PIK3C3: variants seen among roughly 807,000 people sequenced by gnomAD.
PIK3C3 encodes the protein PI3-kinase type 3.
PIK3C3 carries 95 observed loss-of-function variants against 126.1 expected under a neutral mutation model. The observed-to-expected ratio is 0.75, with a 90% CI of 0.64 to 0.89. The LOEUF (loss-of-function observed/expected upper bound fraction) is 0.89. Ranked by LOEUF, PIK3C3 falls within the 40% of genes least tolerant of loss-of-function variation. The pLI is 0.00. For missense variants in PIK3C3, 829 were observed against 1,063.2 expected (o/e 0.78, Z 3.06); for synonymous variants, 374 against 360.0 (o/e 1.04, Z -0.44).
rs528433229 is a variant in PIK3C3 at position 41,990,327 on chromosome 18, T to C, written c.619-132T>C. ...AACACACTACATGTATATAATAAAA[T>C]AAAAATGTGTTATGTTTTGACTTGT... is the stretch of plus-strand genomic sequence containing the variant. On this transcript the variant is annotated intron_variant, in intron 5 of 24. Coordinates refer to ENST00000262039, the MANE Select transcript of PIK3C3 (RefSeq NM_002647.4). 9.5e-6 allele frequency: 6 copies of C among 632,580 alleles called. No homozygotes were observed. The South Asian group carries it at 1.1e-4, about 11-fold the overall frequency. 39.2% of individuals were successfully genotyped at this position (632,580 alleles called of 1,614,324 possible).
chr18:42,019,624 A>G (rs762879350), intron 12 of PIK3C3, among the ~76,000 whole-genome samples: 2 of 151,828 alleles, frequency 1.3e-5, no homozygotes, highest in Non-Finnish European at 2.9e-5. Context: ...TGATATCTTA[A>G]TGTTCCTCAG....
chr18:42,059,362 A>G (rs942193249), intron 22 of PIK3C3, among the ~76,000 whole-genome samples: 2 of 152,224 alleles, frequency 1.3e-5, no homozygotes, highest in African/African-American at 4.8e-5. Flanking sequence ...TTGGTGATGC[A>G]GAAGCACTTT....
chr18:41,973,822 C>T (rs577266038), intron 4 of PIK3C3, among the ~76,000 whole-genome samples: 34 of 152,130 alleles, frequency 2.2e-4, no homozygotes, highest in African/African-American at 6.5e-4. Context: ...GTATTTCTCA[C>T]GCTACCATTT....
In PIK3C3 at chr18:41,955,235, T is replaced by C. The variant is rs985216932; in HGVS notation, c.-57T>C. 13 of 1,435,664 alleles carry C rather than the reference T, an allele frequency of 9.1e-6. No homozygotes were observed. Among genetic ancestry groups the C allele is most frequent in the Middle Eastern group, 1.8e-4 (1 of 5,480 alleles). The allele number at this position is 1,435,664 out of a possible 1,614,324, so 88.9% of individuals were successfully genotyped here. A position where few individuals can be genotyped will look rare whatever the true frequency, so the allele number is the denominator to read the frequency against. ...TTGTGGGGCTCAGCTGGTTCATTTATGTTGTTTTTCCTGTACCTAAGTTCC... is the reference window on the plus strand; with the variant it reads ...TTGTGGGGCTCAGCTGGTTCATTTACGTTGTTTTTCCTGTACCTAAGTTCC... On this transcript the variant is annotated 5_prime_UTR_variant, in exon 1 of 25. An upstream start codon of the reference 5' UTR is lost. Transcript: ENST00000262039.
intron 4 of PIK3C3, 175 bp downstream of exon 4, chr18:41,970,631 C>A: frequency 1.5e-6 from 1 of 664,084 alleles, no homozygotes; most frequent in South Asian, 1.8e-5. Flanking sequence ...GGAAAGCATA[C>A]AGTCTGATGG....
chr18:41,993,378 T>C (rs1424590904), intron 7 of PIK3C3, 37 bp downstream of exon 7: 2 of 1,355,858 alleles, frequency 1.5e-6, no homozygotes, highest in South Asian at 1.2e-5. Flanking sequence ...AAAGTACTTT[T>C]CTTCAGAGTA....
intron 24 of PIK3C3, among the ~76,000 whole-genome samples, chr18:42,076,111 T>G: frequency 1.3e-5 from 1 of 79,292 alleles, no homozygotes; most frequent in Non-Finnish European, 2.5e-5. Context: ...TATATATATA[T>G]ATATATATAT....
intron 7 of PIK3C3, among the ~76,000 whole-genome samples, chr18:41,995,158 C>T (rs867900988): frequency 2.6e-5 from 4 of 152,036 alleles, no homozygotes. Context: ...TTAAAAATTA[C>T]ATGGCTGAAG....
At chr18:41,971,411 T>C (rs1416801998) in intron 4 of PIK3C3, 1 of 152,100 alleles carries the variant, frequency 6.6e-6, no homozygotes, top group Non-Finnish European at 1.5e-5. Context: ...GTCAAGTTCA[T>C]TTTGTCTTTT....
chr18:42,013,630 T>G, intron 11 of PIK3C3, 34 bp downstream of exon 11: 1 of 1,463,474 alleles, frequency 6.8e-7, no homozygotes, highest in Non-Finnish European at 9.4e-7. Context: ...ATTTTCTAGT[T>G]TGTTAATTTT....
intron 9 of PIK3C3, among the ~76,000 whole-genome samples, chr18:41,998,512 A>T (rs1982133815): frequency 1.4e-5 from 2 of 142,678 alleles, no homozygotes; most frequent in Non-Finnish European, 3.1e-5. Context: ...GTTTGCAAGA[A>T]AAATTGTTTG....
At position 42,081,353 on chromosome 18, in the gene PIK3C3, A is replaced by T; in HGVS notation, c.*216A>T. The stretch of plus-strand genomic sequence containing the variant: ...AAGGGCTTGTTTTGAAATATTGTAT[A>T]TATTTTTTCAAATGTATACATTGTT... On this transcript the variant is annotated 3_prime_UTR_variant, in exon 25 of 25. Coordinates refer to ENST00000262039, the MANE Select transcript of PIK3C3 (RefSeq NM_002647.4). The T allele has an allele frequency of 2.4e-6, 1 of 413,800 alleles. No homozygotes were observed. Among genetic ancestry groups the T allele is most frequent in the East Asian group, 3.5e-5 (1 of 28,202 alleles). The allele number at this position is 413,800 out of a possible 1,614,324, so 25.6% of individuals were successfully genotyped here. A position where few individuals can be genotyped will look rare whatever the true frequency, so the allele number is the denominator to read the frequency against.
intron 24 of PIK3C3, among the ~76,000 whole-genome samples, chr18:42,075,120 C>A (rs769212533): frequency 6.6e-6 from 1 of 151,818 alleles, no homozygotes; most frequent in Non-Finnish European, 1.5e-5. Flanking sequence ...AGGTTTTATC[C>A]TACTTTATGG....
At chr18:41,992,635 C>T (rs746340294) in intron 6 of PIK3C3, among the ~76,000 whole-genome samples, 1 of 152,090 alleles carries the variant, frequency 6.6e-6, no homozygotes, top group Non-Finnish European at 1.5e-5. Context: ...CAACATTCTT[C>T]AAAGGTGATA....
intron 24 of PIK3C3, chr18:42,070,642 T>A (rs956201649): frequency 6.6e-6 from 1 of 152,164 alleles, no homozygotes; most frequent in Non-Finnish European, 1.5e-5. Flanking sequence ...ATAAAGTGAT[T>A]GACATTGAGG....
chr18:42,056,070 C>T (rs1194903102), intron 21 of PIK3C3, among the ~76,000 whole-genome samples: 1 of 151,980 alleles, frequency 6.6e-6, no homozygotes, highest in Non-Finnish European at 1.5e-5. Context: ...ACTCTCTGAA[C>T]TTCTTAAACA....
intron 3 of PIK3C3, among the ~76,000 whole-genome samples, chr18:41,967,248 A>G (rs759640908): frequency 6.6e-6 from 1 of 151,924 alleles, no homozygotes; most frequent in Non-Finnish European, 1.5e-5. Flanking sequence ...ACTTCCTTGC[A>G]TGGTGCTGCC....
chr18:42,030,168 A>C (rs1295078492), intron 15 of PIK3C3, among the ~76,000 whole-genome samples: 1 of 152,192 alleles, frequency 6.6e-6, no homozygotes, highest in Admixed American at 6.5e-5. Flanking sequence ...GATCATTTAG[A>C]CTAGAATTCT....
chr18:42,070,799 C>T (rs540373064), intron 24 of PIK3C3, among the ~76,000 whole-genome samples: 1 of 152,272 alleles, frequency 6.6e-6, no homozygotes, highest in East Asian at 1.9e-4. Context: ...GTGAAAGTTG[C>T]TGAGAGCTCT....
Sources: allele counts gnomAD v4.1 joint callset (sites outside exome capture counted in the v4.1 genomes callset), GRCh38; gene constraint gnomAD v4.1.1; transcripts MANE v1.5; gene names NCBI Gene and HGNC (gene_info 2026-07-23, HGNC 2026-07-21).